The following ECPAS variants were observed in gnomAD, a reference collection of about 807,000 sequenced individuals.
The protein encoded by ECPAS is proteasome adapter and scaffold protein ECM29.
ECPAS carries 70 observed loss-of-function variants against 255.1 expected under a neutral mutation model. The ratio of observed to expected loss-of-function variants is 0.27; its 90% confidence interval spans 0.23 to 0.33. The LOEUF is 0.33. Ranked by LOEUF, ECPAS falls within the 10% of genes least tolerant of loss-of-function variation. The probability of loss-of-function intolerance (pLI) is 1.00; values close to 1 mark genes in which losing one functional copy is unlikely to be tolerated. For missense variants in ECPAS, 1,817 were observed against 2,206.4 expected, an observed-to-expected ratio of 0.82 and a Z score of 3.54; for synonymous variants, 784 against 775.0, an observed-to-expected ratio of 1.01 and a Z score of -0.19.
At chr9:111,458,074 G>A (rs1003188891) in intron 2 of ECPAS, among the ~76,000 whole-genome samples, 3 of 152,028 alleles carry the variant, frequency 2.0e-5, no homozygotes, top group Admixed American at 6.6e-5. Context: ...ATATTATGGG[G>A]ACAATTCTAA....
chr9:111,465,948 C>T (rs1300576175), intron 2 of ECPAS, among the ~76,000 whole-genome samples: 5 of 151,728 alleles, frequency 3.3e-5, no homozygotes, highest in Non-Finnish European at 5.9e-5. Context: ...GTGGGAAAAT[C>T]GCTTCAGCTC....
At position 111,394,149 on chromosome 9, in the gene ECPAS, G is replaced by A; in HGVS notation, c.2922+11C>T. On this transcript the variant is annotated intron_variant, in intron 26 of 49. Coordinates refer to ENST00000684092, the MANE Select transcript of ECPAS (RefSeq NM_001364929.1). ...TTTCCAACAGGGCTGACCACATACA[G>A]CATGGCTCACCTTCACTTCTTTGTG... is the stretch of plus-strand genomic sequence containing the variant. 6.3e-7 allele frequency: 1 copy of A among 1,595,860 alleles called. No individual in the cohort carries two copies. The highest frequency in any genetic ancestry group is 8.5e-7 in the Non-Finnish European group (1 of 1,172,874).
chr9:111,464,601 T>C (rs138310933), intron 2 of ECPAS, among the ~76,000 whole-genome samples: 6 of 152,184 alleles, frequency 3.9e-5, no homozygotes, highest in East Asian at 3.9e-4. Context: ...TGGAAATAAA[T>C]AAACAAGGAT....
At position 111,367,988 on chromosome 9, in the gene ECPAS, C is replaced by T. The variant is rs547682938; in HGVS notation, c.5113+1047G>A. ...GCCCAGGAGGTAAAGGCTGCAAGAA[C>T]TGCACCACTGCACTCCAGCCTGGGC... is the stretch of plus-strand genomic sequence containing the variant. On this transcript the variant is annotated intron_variant, in intron 46 of 49. Coordinates refer to ENST00000684092, the MANE Select transcript of ECPAS (RefSeq NM_001364929.1). Among the ~76,000 whole-genome samples the T allele has an allele frequency of 2.0e-5, 3 of 151,512 alleles. No homozygotes were observed. In the East Asian group the frequency reaches 5.8e-4, roughly 29 times the overall value.
At chr9:111,433,855 T>C (rs1214480930) in intron 7 of ECPAS, among the ~76,000 whole-genome samples, 2 of 152,240 alleles carry the variant, frequency 1.3e-5, no homozygotes, top group Non-Finnish European at 1.5e-5. Context: ...TCACATTCCA[T>C]GGAGTTTCAC....
intron 46 of ECPAS, 132 bp from the exon 47 acceptor site, chr9:111,366,759 AAG>A (rs1233290838): frequency 1.6e-6 from 1 of 627,798 alleles, no homozygotes; most frequent in African/African-American, 1.9e-5. Context: ...TGGGGAGGAT[AAG>A]AGAGAGAAAA....
At position 111,372,488 on chromosome 9, in the gene ECPAS, T is replaced by C. The variant is rs776289117; in HGVS notation, c.4469A>G (p.Glu1490Gly). Residue 1490 changes from glutamate to glycine, a missense_variant, in exon 42 of 50, where the codon GAG (glutamate) becomes GGG (glycine). Glu to Gly is a moderately conservative substitution (Grantham distance 98). This residue lies in a region of ECPAS where 960 missense variants were observed against 1,179.0 expected (regional missense o/e 0.81). Transcript: ENST00000684092. The stretch of plus-strand genomic sequence containing the variant: ...ATTACATTCTTCTTTTTCGGATTTC[T>C]CCTCATCAGCAATTTCATGCATGCC... ...FLGMHEIADEEKSEKEECNLW... is the reference protein window; with the variant it reads ...FLGMHEIADEGKSEKEECNLW... The C allele has an allele frequency of 3.1e-6, 5 of 1,613,900 alleles. No individual in the cohort carries two copies. The South Asian group carries it at 5.5e-5, about 18-fold the overall frequency.
intron 33 of ECPAS, among the ~76,000 whole-genome samples, chr9:111,385,044 A>G (rs906942917): frequency 2.0e-5 from 3 of 152,230 alleles, no homozygotes; most frequent in Non-Finnish European, 2.9e-5. Flanking sequence ...AGAACTGATC[A>G]AAATACTGTT....
At position 111,458,290 on chromosome 9, in the gene ECPAS, A is replaced by C. The variant is rs1003221545; in HGVS notation, c.23-6735T>G. On this transcript the variant is annotated intron_variant, in intron 2 of 49. Transcript: ENST00000684092. ...AGGAACAGCATAAGATTGCTTCATAAGAATGTTGTGAAACATTATATAATG... is the reference window on the plus strand; with the variant it reads ...AGGAACAGCATAAGATTGCTTCATACGAATGTTGTGAAACATTATATAATG... 2.0e-5 allele frequency among the ~76,000 whole-genome samples: 3 copies of C among 152,236 alleles called. No homozygotes were observed. In the East Asian group the frequency reaches 5.8e-4, roughly 29 times the overall value.
intron 24 of ECPAS, among the ~76,000 whole-genome samples, chr9:111,408,292 C>T (rs1589155679): frequency 6.6e-6 from 1 of 152,332 alleles, no homozygotes; most frequent in African/African-American, 2.4e-5. Context: ...TCACTCCACA[C>T]ATCTGGCTGA....
intron 36 of ECPAS, among the ~76,000 whole-genome samples, chr9:111,377,917 C>T (rs567093622): frequency 9.9e-5 from 15 of 152,218 alleles, no homozygotes; most frequent in African/African-American, 3.4e-4. Context: ...GAGGCTGAGG[C>T]GGGTGGATCA....
chr9:111,418,998 C>T (rs1348129220), intron 16 of ECPAS, among the ~76,000 whole-genome samples: 1 of 152,196 alleles, frequency 6.6e-6, no homozygotes, highest in African/African-American at 2.4e-5. Flanking sequence ...CTGGTAATAA[C>T]TTGTGATGTC....
chr9:111,384,403 CA>C, intron 34 of ECPAS, 118 bp downstream of exon 34: 1 of 860,294 alleles, frequency 1.2e-6, no homozygotes, highest in East Asian at 2.6e-5. Context: ...CAGTGAACTA[CA>C]ACATGAAGCC....
chr9:111,369,200 G>T (rs2098124388), intron 45 of ECPAS, 27 bp from the exon 46 acceptor site: 1 of 1,471,852 alleles, frequency 6.8e-7, no homozygotes, highest in Non-Finnish European at 9.0e-7. Context: ...AAAAGAAAAT[G>T]TAATATTTTC....
intron 9 of ECPAS, among the ~76,000 whole-genome samples, chr9:111,428,419 AAACT>A (rs904301351): frequency 2.1e-4 from 32 of 152,350 alleles, no homozygotes; most frequent in African/African-American, 7.5e-4. Context: ...ATTATTTTCA[AAACT>A]AACATTTTTA....
In ECPAS at chr9:111,430,680, G is replaced by A. The variant is rs1416188166; in HGVS notation, c.849-52C>T. 8 of 1,229,802 alleles carry A rather than the reference G, an allele frequency of 6.5e-6. No homozygotes were observed. In the East Asian group the frequency reaches 1.8e-4, roughly 27 times the overall value. 76.2% of individuals were successfully genotyped at this position (1,229,802 alleles called of 1,614,324 possible). On this transcript the variant is annotated intron_variant, in intron 8 of 49. Transcript: ENST00000684092. ...TAAAATTATTTTTCCCCCTCCTTCA[G>A]TGATTTCAAAAAAATTATAGCCCCA...
intron 24 of ECPAS, among the ~76,000 whole-genome samples, chr9:111,407,404 A>G (rs1411728885): frequency 2.7e-5 from 2 of 72,916 alleles, no homozygotes; most frequent in East Asian, 4.5e-4. Flanking sequence ...TCCATCTCAG[A>G]AAAAAAAAAA....
At chr9:111,373,887 T>TG in intron 39 of ECPAS, 85 bp downstream of exon 39, 1 of 988,934 alleles carries the variant, frequency 1.0e-6, no homozygotes. Context: ...CAGGTCTGAA[T>TG]GATAAGTATT....
Position 111,404,278 on chromosome 9 carries a change from T to C in ECPAS, c.2652+4293A>G, listed in dbSNP as rs1003185964. On this transcript the variant is annotated intron_variant, in intron 24 of 49. Coordinates refer to ENST00000684092, the MANE Select transcript of ECPAS (RefSeq NM_001364929.1). ...TAATAAAATTCAGAACAGAAGTAAA[T>C]GAAATTGAGACTAAAAAAACTACAG... 1.3e-5 allele frequency among the ~76,000 whole-genome samples: 2 copies of C among 149,104 alleles called. 1 individual carries two copies. Among genetic ancestry groups the C allele is most frequent in the Admixed American group, 1.3e-4 (2 of 15,176 alleles).
Sources: gnomAD v4.1 joint callset for allele counts (sites outside exome capture counted in the v4.1 genomes callset) on GRCh38, gnomAD v4.1.1 for gene constraint, gnomAD v4.1.1 regional missense constraint, MANE v1.5 for transcripts, NCBI Gene and HGNC (gene_info 2026-07-23, HGNC 2026-07-21) for gene names.